THRAP3: variants seen among roughly 807,000 people sequenced by gnomAD.
The protein encoded by THRAP3 is thyroid hormone receptor associated protein 3.
In THRAP3, 16 loss-of-function variants were observed where a neutral mutation model predicts 101.0. The ratio of observed to expected loss-of-function variants is 0.16; its 90% CI spans 0.11 to 0.24. The LOEUF (loss-of-function observed/expected upper bound fraction) is 0.24. Among genes scored for constraint, THRAP3 ranks in the 10% least tolerant of loss-of-function variants. THRAP3 has a pLI of 1.00. For synonymous variants in THRAP3, 407 were observed against 422.6 expected, an observed-to-expected ratio of 0.96 and a Z score of 0.45; for missense variants, 989 against 1,202.7, an observed-to-expected ratio of 0.82 and a Z score of 2.63.
At chr1:36,236,842 T>G (rs1242904459) in intron 1 of THRAP3, among the ~76,000 whole-genome samples, 2 of 152,310 alleles carry the variant, frequency 1.3e-5, no homozygotes, top group Non-Finnish European at 2.9e-5. Context: ...CTGAACCTCT[T>G]AGCTCTGGAG....
chr1:36,252,942 A>ATATATG (rs1435963858), intron 1 of THRAP3, among the ~76,000 whole-genome samples: 9 of 110,836 alleles, frequency 8.1e-5, no homozygotes, highest in African/African-American at 2.7e-4. Flanking sequence ...ATATATATAT[A>ATATATG]TATATATATA....
the THRAP3 span, among the ~76,000 whole-genome samples, chr1:36,213,947 GA>G: frequency 5.9e-5 from 7 of 118,988 alleles, no homozygotes; most frequent in Admixed American, 2.5e-4. Context: ...AAGAAAGAAA[GA>G]AAGAAAGAAA....
chr1:36,230,626 A>G (rs1027420653), intron 1 of THRAP3, among the ~76,000 whole-genome samples: 1 of 152,124 alleles, frequency 6.6e-6, no homozygotes, highest in African/African-American at 2.4e-5. Flanking sequence ...GTATACTCAT[A>G]TCTTTTGTAG....
chr1:36,293,220 G>T (rs970798911), intron 7 of THRAP3, among the ~76,000 whole-genome samples: 3 of 151,782 alleles, frequency 2.0e-5, no homozygotes, highest in Non-Finnish European at 4.4e-5. Context: ...GTAGAGACAG[G>T]GTTTCACCAT....
rs555990886 is a variant in THRAP3, at chr1:36,251,768, CT to C, written c.-134-7610del. On this transcript the variant is annotated intron_variant, in intron 1 of 11. Coordinates refer to ENST00000354618, the MANE Select transcript of THRAP3 (RefSeq NM_005119.4). The stretch of plus-strand genomic sequence containing the variant: ...ATTGAGTACTCCTTTGTGCCAAGCA[CT>C]TTTCTGAGAACTTTATACATATATT... Among the ~76,000 whole-genome samples, 13 of 152,266 alleles carry C rather than the reference CT, an allele frequency of 8.5e-5. No individual in the cohort carries two copies. In the South Asian group the frequency reaches 2.1e-3, roughly 24 times the overall value.
At chr1:36,303,235 A>G (rs1414719865) in intron 11 of THRAP3, among the ~76,000 whole-genome samples, 2 of 150,114 alleles carry the variant, frequency 1.3e-5, no homozygotes, top group Non-Finnish European at 2.9e-5. Flanking sequence ...AAGTGCTAGG[A>G]TTACAGGCAT....
At chr1:36,269,892 T>C (rs188993630) in intron 2 of THRAP3, among the ~76,000 whole-genome samples, 1 of 152,146 alleles carries the variant, frequency 6.6e-6, no homozygotes, top group Non-Finnish European at 1.5e-5. Context: ...TCTCTTTTTT[T>C]AAATAAAGTC....
chr1:36,225,574 TAG>T (rs756986461), intron 1 of THRAP3: 4 of 152,122 alleles, frequency 2.6e-5, no homozygotes, highest in African/African-American at 7.2e-5. Flanking sequence ...GTTTTTTTTT[TAG>T]AGTGTGCGCC....
rs766528947 is a variant in THRAP3, at chr1:36,304,818, G to A, written c.*801G>A. 6 of 208,528 alleles carry A rather than the reference G, an allele frequency of 2.9e-5. No individual in the cohort carries two copies. Among genetic ancestry groups the A allele is most frequent in the Non-Finnish European group, 5.9e-5 (6 of 102,352 alleles). 12.9% of individuals were successfully genotyped at this position (208,528 alleles called of 1,614,324 possible). ...TAGTCCTGCTGATCCTCCCAGCAAC[G>A]GGGTGGAAACTGGAGGGCAGTGTCT... On this transcript the variant is annotated 3_prime_UTR_variant, in exon 12 of 12. Transcript: ENST00000354618.
intron 3 of THRAP3, among the ~76,000 whole-genome samples, chr1:36,282,922 A>G (rs1372353870): frequency 1.3e-5 from 2 of 152,240 alleles, no homozygotes; most frequent in Non-Finnish European, 1.5e-5. Flanking sequence ...CTGCCAGCAC[A>G]TAGTATTTCC....
intron 11 of THRAP3, 99 bp downstream of exon 11, chr1:36,301,795 T>G (rs1190571369): frequency 6.9e-7 from 1 of 1,457,006 alleles, no homozygotes; most frequent in South Asian, 1.3e-5. Flanking sequence ...TGCGATTAAA[T>G]GTACGTGCAG....
chr1:36,212,760 AAGAAG>A, the THRAP3 span, among the ~76,000 whole-genome samples: 1 of 152,124 alleles, frequency 6.6e-6, no homozygotes, highest in African/African-American at 2.4e-5. Flanking sequence ...CTGCTACCAG[AAGAAG>A]AGGAGTGGAA....
chr1:36,264,473 G>A (rs1316990895), intron 2 of THRAP3, among the ~76,000 whole-genome samples: 12 of 152,212 alleles, frequency 7.9e-5, no homozygotes, highest in Non-Finnish European at 1.5e-5. Flanking sequence ...TCTACTTACT[G>A]CCGAACCTGG....
intron 2 of THRAP3, among the ~76,000 whole-genome samples, chr1:36,271,977 C>A (rs1407807918): frequency 6.6e-6 from 1 of 151,724 alleles, no homozygotes; most frequent in Non-Finnish European, 1.5e-5. Context: ...TAATTCACCC[C>A]CTTTGGCTTT....
chr1:36,213,643 C>A, the THRAP3 span, among the ~76,000 whole-genome samples: 1 of 151,488 alleles, frequency 6.6e-6, no homozygotes, highest in Non-Finnish European at 1.5e-5. Context: ...GTCAGGAGTT[C>A]GAGACCAGTC....
At chr1:36,276,874 A>G (rs1204955573) in intron 2 of THRAP3, among the ~76,000 whole-genome samples, 2 of 152,076 alleles carry the variant, frequency 1.3e-5, no homozygotes, top group African/African-American at 2.4e-5. Context: ...ATAAATAAAG[A>G]AAAAAAGTGA....
At chr1:36,220,270 G>A (rs1644895150), upstream of THRAP3, among the ~76,000 whole-genome samples, 1 of 152,208 alleles carries the variant, frequency 6.6e-6, no homozygotes, top group Admixed American at 6.5e-5. Flanking sequence ...TGGGATTACA[G>A]GTGTGAGCCA....
chr1:36,231,493 CT>C (rs1181182058), intron 1 of THRAP3, among the ~76,000 whole-genome samples: 2 of 152,186 alleles, frequency 1.3e-5, no homozygotes, highest in African/African-American at 4.8e-5. Flanking sequence ...ATTAATAAGA[CT>C]TTTGGCTCTT....
rs372381113 is a variant in THRAP3, at chr1:36,270,259, A to G, written c.-32+10775A>G. On this transcript the variant is annotated intron_variant, in intron 2 of 11. Coordinates refer to ENST00000354618, the MANE Select transcript of THRAP3 (RefSeq NM_005119.4). Reference sequence around the variant, plus strand: ...CGAAAAGTTAGCCAGCTGTAGTGGCACATGCCGGTAGTCCCAGCTACTCAG... The same window carrying G: ...CGAAAAGTTAGCCAGCTGTAGTGGCGCATGCCGGTAGTCCCAGCTACTCAG... 7.4e-4 allele frequency among the ~76,000 whole-genome samples: 112 copies of G among 152,244 alleles called. 2 individuals are homozygous for G. The East Asian group carries it at 0.013, about 18-fold the overall frequency.
Sources: allele counts gnomAD v4.1 joint callset (sites outside exome capture counted in the v4.1 genomes callset), GRCh38; gene constraint gnomAD v4.1.1; transcripts MANE v1.5; gene names NCBI Gene and HGNC (gene_info 2026-07-23, HGNC 2026-07-21).